Variants in DUSP8 observed in about 807,000 individuals in gnomAD.
DUSP8 encodes the protein dual specificity protein phosphatase 8.
Under a neutral mutation model 38.7 loss-of-function variants are expected in DUSP8, and 15 were observed. That is an observed-to-expected ratio of 0.39 (90% CI 0.26 to 0.60). The LOEUF (loss-of-function observed/expected upper bound fraction) is 0.60. Among genes scored for constraint, DUSP8 ranks in the 20% least tolerant of loss-of-function variants. DUSP8 has a pLI of 0.56. For synonymous variants in DUSP8, 458 were observed against 433.9 expected, an observed-to-expected ratio of 1.06 and a Z score of -0.69; for missense variants, 768 against 915.0, an observed-to-expected ratio of 0.84 and a Z score of 2.07.
intron 3 of DUSP8, among the ~76,000 whole-genome samples, chr11:1,560,636 C>T (rs1564933806): frequency 1.3e-5 from 2 of 152,206 alleles, no homozygotes; most frequent in Admixed American, 6.5e-5. Context: ...CCAACGACGC[C>T]CCAGCTTGCA....
At chr11:1,559,201 G>C (rs1451626151) in intron 3 of DUSP8, 146 bp from the exon 4 acceptor site, 2 of 764,766 alleles carry the variant, frequency 2.6e-6, no homozygotes, top group Non-Finnish European at 3.9e-6. Context: ...CAGCCGGCAA[G>C]CCTCTGGCGG....
rs759671271 is a variant in DUSP8 at position 1,558,957 on chromosome 11, G to T, written c.469C>A (p.Pro157Thr). Residue 157 changes from proline to threonine, a missense_variant, in exon 4 of 7, where the codon CCC (proline) becomes ACC (threonine). Transcript: ENST00000397374. The surrounding 1 kb of genome is among the most constrained non-coding windows in gnomAD (Gnocchi z 6.3). Reference protein sequence around the residue: ...MSLSQPCLPVPSVGLTRILPH... With the variant: ...MSLSQPCLPVTSVGLTRILPH... ...AGGATGCGGGTCAGGCCCACGCTGG[G>T]CACAGGCAGGCAGGGCTGGGAGAGG... The T allele has an allele frequency of 1.2e-5, 20 of 1,612,914 alleles. No homozygotes were observed. The highest frequency in any genetic ancestry group is 1.7e-5 in the Non-Finnish European group (20 of 1,179,862).
intron 3 of DUSP8, among the ~76,000 whole-genome samples, chr11:1,559,734 G>A (rs1848689687): frequency 6.6e-6 from 1 of 152,292 alleles, no homozygotes; most frequent in African/African-American, 2.4e-5. Context: ...GGGGCACTGG[G>A]GGCACGCAGA....
At chr11:1,570,806 G>A (rs550385335) in intron 1 of DUSP8, among the ~76,000 whole-genome samples, 3 of 152,102 alleles carry the variant, frequency 2.0e-5, no homozygotes, top group Admixed American at 6.5e-5. Context: ...ATTCACCCCT[G>A]GACCGCCCTA....
At chr11:1,571,047 G>A (rs1022864061) in intron 1 of DUSP8, among the ~76,000 whole-genome samples, 3 of 151,452 alleles carry the variant, frequency 2.0e-5, no homozygotes, top group Non-Finnish European at 4.4e-5. Flanking sequence ...CAGCACCAGA[G>A]CCCCTATTCC....
intron 3 of DUSP8, among the ~76,000 whole-genome samples, chr11:1,562,625 A>G (rs1848737575): frequency 6.6e-6 from 1 of 152,182 alleles, no homozygotes; most frequent in Admixed American, 6.5e-5. Context: ...ACATATGCGC[A>G]CACACAGGCA....
At chr11:1,572,340 A>T (rs1211538572), upstream of DUSP8, among the ~76,000 whole-genome samples, 1 of 143,544 alleles carries the variant, frequency 7.0e-6, no homozygotes, top group Non-Finnish European at 1.5e-5. The surrounding 1 kb of genome is among the most constrained non-coding windows in gnomAD (Gnocchi z 4.7). Context: ...AAAGCCCCTG[A>T]CGTCACCTGC....
At chr11:1,565,263 C>T (rs1228988309) in intron 2 of DUSP8, among the ~76,000 whole-genome samples, 2 of 152,256 alleles carry the variant, frequency 1.3e-5, no homozygotes, top group East Asian at 1.9e-4. Flanking sequence ...CCACTCACTG[C>T]TCCCCTCTGT....
Position 1,557,200 on chromosome 11 carries a change from T to C in DUSP8, c.1196A>G (p.Lys399Arg). The C allele has an allele frequency of 1.3e-6, 2 of 1,490,840 alleles. No homozygotes were observed. Among genetic ancestry groups the C allele is most frequent in the Non-Finnish European group, 1.8e-6 (2 of 1,123,318 alleles). 92.4% of individuals were successfully genotyped at this position (1,490,840 alleles called of 1,614,324 possible). ...CCGCCTGCTAGGGGCGTAGGCAGAC[T>C]TGATGTCCAGGGAGAAGGAGCGCTT... Reference protein sequence around the residue: ...RLKRSFSLDIKSAYAPSRRPD... With the variant: ...RLKRSFSLDIRSAYAPSRRPD... The change falls in exon 7 of 7, where the codon AAG becomes AGG. Residue 399 changes from lysine to arginine, a missense_variant. By Grantham distance (26) the Lys-to-Arg change is conservative. Coordinates refer to ENST00000397374, the MANE Select transcript of DUSP8 (RefSeq NM_004420.3). This position sits in a 1 kb window ranked among gnomAD's most constrained non-coding sequence, Gnocchi z 9.9.
intron 2 of DUSP8, 106 bp downstream of exon 2, chr11:1,565,490 C>A (rs1365714784): frequency 2.2e-6 from 2 of 895,872 alleles, no homozygotes; most frequent in Non-Finnish European, 3.4e-6. Context: ...CCCAAGGAGT[C>A]GAGTTTGGAC....
In DUSP8 at chr11:1,572,228, C is replaced by A. The variant is rs982948960; in HGVS notation, c.-436G>T. On this transcript the variant is annotated 5_prime_UTR_variant, in exon 1 of 7. Transcript: ENST00000397374. This position sits in a 1 kb window ranked among gnomAD's most constrained non-coding sequence, Gnocchi z 4.7. The stretch of plus-strand genomic sequence containing the variant: ...CTCGGGCGTCCGGCGTCCGGCGGGG[C>A]GTCGTGGGGGGAGCCGGCTCGGCCG... Among the ~76,000 whole-genome samples, 1 of 145,764 alleles carries A rather than the reference C, an allele frequency of 6.9e-6. No individual in the cohort carries two copies. The highest frequency in any genetic ancestry group is 2.5e-5 in the African/African-American group (1 of 40,200).
rs758085629 is a variant in DUSP8, at chr11:1,563,960, C to A, written c.261G>T (p.Val87=). The change falls in exon 3 of 7, where the codon GTG becomes GTT. Residue 87 remains valine, a synonymous_variant. Coordinates refer to ENST00000397374, the MANE Select transcript of DUSP8 (RefSeq NM_004420.3). ...CGTCCCGCGTGCTCTGGTCATAGAC[C>A]ACCACGTCCTGTGGCTCCGTAGCCT... is the stretch of plus-strand genomic sequence containing the variant. ...QVEATEPQDV[V]VYDQSTRDAS... The A allele has an allele frequency of 6.1e-5, 92 of 1,515,852 alleles. No individual in the cohort carries two copies. Among genetic ancestry groups the A allele is most frequent in the Admixed American group, 3.2e-4 (15 of 46,908 alleles). 93.9% of individuals were successfully genotyped at this position (1,515,852 alleles called of 1,614,324 possible). A position where few individuals can be genotyped will look rare whatever the true frequency, so the allele number is the denominator to read the frequency against.
chr11:1,555,524 C>T lies in DUSP8; in HGVS notation c.*994G>A. 1.1e-6 allele frequency: 1 copy of T among 949,618 alleles called. No individual in the cohort carries two copies. Among genetic ancestry groups the T allele is most frequent in the South Asian group, 4.9e-5 (1 of 20,536 alleles). 58.8% of individuals were successfully genotyped at this position (949,618 alleles called of 1,614,324 possible). ...GCAGACCTGGAACAGAACCCTAAGA[C>T]CACCCCCTCCTCATACCTGGGGGTC... On this transcript the variant is annotated 3_prime_UTR_variant, in exon 7 of 7. Transcript: ENST00000397374.
In DUSP8 at chr11:1,558,785, C is replaced by T; in HGVS notation, c.537+104G>A. On this transcript the variant is annotated intron_variant, in intron 4 of 6. Coordinates refer to ENST00000397374, the MANE Select transcript of DUSP8 (RefSeq NM_004420.3). The surrounding 1 kb of genome is among the most constrained non-coding windows in gnomAD (Gnocchi z 6.3). ...CTCCCACACCCAGCTCATCCACTGC[C>T]TTCAGCTCCTTTCCTCCCTCATCCC... The T allele has an allele frequency of 7.2e-7, 1 of 1,390,378 alleles. No homozygotes were observed. The highest frequency in any genetic ancestry group is 1.4e-5 in the South Asian group (1 of 72,102). 86.1% of individuals were successfully genotyped at this position (1,390,378 alleles called of 1,614,324 possible).
upstream of DUSP8, among the ~76,000 whole-genome samples, chr11:1,572,438 G>GGCGGGGT (rs1457416244): frequency 1.5e-3 from 221 of 149,258 alleles, no homozygotes; most frequent in Non-Finnish European, 2.7e-3. The surrounding 1 kb of genome is among the most constrained non-coding windows in gnomAD (Gnocchi z 4.7). Context: ...GCGGGGGGGG[G>GGCGGGGT]GCGGGGTGCA....
chr11:1,567,422 G>A (rs1162581850), intron 1 of DUSP8, among the ~76,000 whole-genome samples: 1 of 152,240 alleles, frequency 6.6e-6, no homozygotes, highest in Non-Finnish European at 1.5e-5. Flanking sequence ...CAGTGAGAGA[G>A]TTCACAGAGC....
Position 1,557,508 on chromosome 11 carries a change from G to A in DUSP8, c.888C>T (p.Tyr296=), listed in dbSNP as rs373215160. 2.0e-5 allele frequency: 31 copies of A among 1,588,690 alleles called. No homozygotes were observed. Among genetic ancestry groups the A allele is most frequent in the Non-Finnish European group, 2.4e-5 (28 of 1,176,112 alleles). ...CGGCCAGCAGCTTCAGGCTGCGCTC[G>A]TACTCCAGCAGCTGGCCCAGGAAGT... The part of the protein sequence containing the change: ...NFNFLGQLLE[Y]ERSLKLLAAL... Residue 296 remains tyrosine (Y), a synonymous_variant, in exon 7 of 7, where the codon TAC becomes TAT. Transcript: ENST00000397374. The surrounding 1 kb of genome is among the most constrained non-coding windows in gnomAD (Gnocchi z 9.9).
rs773771262 is a variant in DUSP8 at position 1,558,861 on chromosome 11, C to T, written c.537+28G>A. 1 of 1,573,834 alleles carries T rather than the reference C, an allele frequency of 6.4e-7. No homozygotes were observed. Among genetic ancestry groups the T allele is most frequent in the South Asian group, 1.1e-5 (1 of 87,260 alleles). On this transcript the variant is annotated intron_variant, in intron 4 of 6. Transcript: ENST00000397374. The surrounding 1 kb of genome is among the most constrained non-coding windows in gnomAD (Gnocchi z 6.3). ...GAGCTCCTGCCCCTTTCCCATTGAC[C>T]ACCCCCCGAACTCCACTGCACACAC...
At position 1,554,629 on chromosome 11, in the gene DUSP8, A is replaced by AGGGGAAG. The variant is rs921471600; in HGVS notation, c.*1882_*1888dup. The AGGGGAAG allele has an allele frequency of 2.0e-6, 2 of 987,290 alleles. No homozygotes were observed. Among genetic ancestry groups the AGGGGAAG allele is most frequent in the South Asian group, 4.7e-5 (1 of 21,374 alleles). 61.2% of individuals were successfully genotyped at this position (987,290 alleles called of 1,614,324 possible). ...CCCTCAACGGCCTGCAGAAGGGACA[A>AGGGGAAG]GGGGAAGGGGGAAGGGAGAAGGGGG... On this transcript the variant is annotated 3_prime_UTR_variant, in exon 7 of 7. Transcript: ENST00000397374.
Sources: gnomAD v4.1 joint callset for allele counts (sites outside exome capture counted in the v4.1 genomes callset) on GRCh38, gnomAD v4.1.1 for gene constraint, Gnocchi (gnomAD v3.1) non-coding constraint, MANE v1.5 for transcripts, NCBI Gene and HGNC (gene_info 2026-07-23, HGNC 2026-07-21) for gene names.